ACBD6: variants seen among roughly 807,000 people sequenced by gnomAD.
ACBD6 encodes acyl-CoA binding domain containing 6.
Under a neutral mutation model 37.2 loss-of-function variants are expected in ACBD6, and 28 were observed. The observed-to-expected ratio is 0.75, with a 90% CI of 0.56 to 1.03. The LOEUF (loss-of-function observed/expected upper bound fraction) is 1.03. Ranked by LOEUF, ACBD6 falls within the 50% of genes least tolerant of loss-of-function variation. The pLI is 0.00. For synonymous variants in ACBD6, 113 were observed against 126.8 expected, an observed-to-expected ratio of 0.89 and a Z score of 0.73; for missense variants, 340 against 337.4, an observed-to-expected ratio of 1.01 and a Z score of -0.06.
At chr1:180,275,233 A>G (rs1375893199) in exon 10 of ACBD6, 2 of 152,184 alleles carry the variant, frequency 1.3e-5, no homozygotes, top group Non-Finnish European at 2.9e-5. Flanking sequence ...TGTCCCATCT[A>G]TATCATTGAC....
intron 3 of ACBD6, chr1:180,435,414 AAT>A: frequency 8.7e-6 from 3 of 343,776 alleles, no homozygotes; most frequent in Non-Finnish European, 1.0e-5. Flanking sequence ...ACGCCTGGCT[AAT>A]TTTTTTTTTT....
At chr1:180,301,230 A>G (rs1404777537) in intron 7 of ACBD6, among the ~76,000 whole-genome samples, 1 of 152,166 alleles carries the variant, frequency 6.6e-6, no homozygotes, top group Non-Finnish European at 1.5e-5. Flanking sequence ...TGCACACAGA[A>G]GAGTACCAAA....
chr1:180,368,630 G>A (rs1016595157), intron 6 of ACBD6, among the ~76,000 whole-genome samples: 1 of 151,986 alleles, frequency 6.6e-6, no homozygotes, highest in Non-Finnish European at 1.5e-5. Flanking sequence ...TTACTGAATA[G>A]GAAGTCTTTT....
At chr1:180,290,043 A>G (rs1410585203) in intron 7 of ACBD6, among the ~76,000 whole-genome samples, 2 of 152,192 alleles carry the variant, frequency 1.3e-5, no homozygotes, top group Non-Finnish European at 2.9e-5. Context: ...TCTTAAGCTA[A>G]GTAGTGGGTA....
chr1:180,419,486 A>C (rs1380386822), intron 4 of ACBD6, among the ~76,000 whole-genome samples: 1 of 152,154 alleles, frequency 6.6e-6, no homozygotes, highest in Non-Finnish European at 1.5e-5. Context: ...AATACACAGT[A>C]CCCAATGGAC....
intron 6 of ACBD6, among the ~76,000 whole-genome samples, chr1:180,338,039 T>C (rs1651815669): frequency 6.6e-6 from 1 of 152,036 alleles, no homozygotes; most frequent in African/African-American, 2.4e-5. Context: ...ATCCAAACAA[T>C]GGAAGAACAT....
At chr1:180,454,568 T>C (rs1649842140) in intron 3 of ACBD6, among the ~76,000 whole-genome samples, 1 of 152,082 alleles carries the variant, frequency 6.6e-6, no homozygotes, top group Non-Finnish European at 1.5e-5. Context: ...CAAAAGAAAC[T>C]ATCATCAGAG....
intron 7 of ACBD6, among the ~76,000 whole-genome samples, chr1:180,310,702 T>G (rs1300763956): frequency 6.6e-6 from 1 of 152,230 alleles, no homozygotes; most frequent in Non-Finnish European, 1.5e-5. Context: ...TACTGGGTTG[T>G]AGAGTATGTG....
At chr1:180,325,485 C>T (rs1301611009) in intron 6 of ACBD6, among the ~76,000 whole-genome samples, 1 of 152,046 alleles carries the variant, frequency 6.6e-6, no homozygotes, top group African/African-American at 2.4e-5. Flanking sequence ...TCTGTGTTAT[C>T]TTAAATTTCT....
intron 6 of ACBD6, among the ~76,000 whole-genome samples, chr1:180,330,235 A>T (rs1651426483): frequency 6.6e-6 from 1 of 150,764 alleles, no homozygotes; most frequent in Admixed American, 6.6e-5. Flanking sequence ...AACATTAGGG[A>T]GACCTTGACT....
At chr1:180,367,728 T>G (rs187089812) in intron 6 of ACBD6, among the ~76,000 whole-genome samples, 1 of 152,324 alleles carries the variant, frequency 6.6e-6, no homozygotes, top group African/African-American at 2.4e-5. Context: ...ATCTTGTTCT[T>G]TTTTATGGCT....
chr1:180,325,537 T>C (rs6672551), intron 6 of ACBD6, among the ~76,000 whole-genome samples: 22 of 152,148 alleles, frequency 1.4e-4, no homozygotes, highest in Non-Finnish European at 2.9e-5. Flanking sequence ...CTCTGAAAGG[T>C]TGCATATCTC....
chr1:180,283,074 C>T (rs1649361646), intron 8 of ACBD6, among the ~76,000 whole-genome samples: 1 of 146,794 alleles, frequency 6.8e-6, no homozygotes, highest in Non-Finnish European at 1.5e-5. Flanking sequence ...CAAATGTACT[C>T]CATGAAAGCC....
intron 6 of ACBD6, among the ~76,000 whole-genome samples, chr1:180,342,224 A>G (rs1368725151): frequency 6.6e-6 from 1 of 152,152 alleles, no homozygotes; most frequent in Non-Finnish European, 1.5e-5. Context: ...CAGGAGGCCA[A>G]CCAGACTGTC....
chr1:180,427,705 C>T (rs1002687495), intron 4 of ACBD6, among the ~76,000 whole-genome samples: 5 of 152,162 alleles, frequency 3.3e-5, no homozygotes, highest in African/African-American at 7.2e-5. Context: ...AGGTGGATCA[C>T]GAGGTCAAGA....
chr1:180,379,853 A>C (rs546042378), intron 6 of ACBD6, among the ~76,000 whole-genome samples: 1 of 152,334 alleles, frequency 6.6e-6, no homozygotes, highest in Non-Finnish European at 1.5e-5. Context: ...AATAAGTGAA[A>C]ATTTCCCAAG....
At chr1:180,392,724 T>C (rs1387278715) in intron 6 of ACBD6, among the ~76,000 whole-genome samples, 3 of 141,914 alleles carry the variant, frequency 2.1e-5, no homozygotes, top group Non-Finnish European at 4.6e-5. Context: ...TACTATGTAA[T>C]GGGATTACAG....
At chr1:180,442,133 T>G (rs1006520784) in intron 3 of ACBD6, among the ~76,000 whole-genome samples, 2 of 152,222 alleles carry the variant, frequency 1.3e-5, no homozygotes, top group Admixed American at 6.5e-5. Flanking sequence ...AGTTCTACCT[T>G]GTTTATCTTC....
intron 3 of ACBD6, among the ~76,000 whole-genome samples, chr1:180,466,247 A>G (rs958384692): frequency 2.6e-5 from 4 of 152,244 alleles, no homozygotes; most frequent in African/African-American, 7.2e-5. Flanking sequence ...TTGACTCAAA[A>G]TATAAAATTA....
Sources: allele counts gnomAD v4.1 joint callset (sites outside exome capture counted in the v4.1 genomes callset), GRCh38; gene constraint gnomAD v4.1.1; transcripts MANE v1.5; gene names NCBI Gene and HGNC (gene_info 2026-07-23, HGNC 2026-07-21).